QTRT1: variants seen among roughly 807,000 people sequenced by gnomAD.
QTRT1 encodes TGT, 43-KD subunit.
Under a neutral mutation model 44.0 loss-of-function variants are expected in QTRT1, and 41 were observed. That is an observed-to-expected ratio of 0.93 (90% CI 0.73 to 1.21). QTRT1 has a LOEUF of 1.21. Among genes scored for constraint, QTRT1 ranks in the 50% most tolerant of loss-of-function variants. The pLI is 0.00. For missense variants in QTRT1, 542 were observed against 575.8 expected (o/e 0.94, Z 0.60); for synonymous variants, 226 against 237.1 (o/e 0.95, Z 0.43).
chr19:10,713,176 T>A lies in QTRT1; in HGVS notation c.1118T>A (p.Val373Glu). The A allele has an allele frequency of 6.2e-7, 1 of 1,609,990 alleles. No individual in the cohort carries two copies. Among genetic ancestry groups the A allele is most frequent in the Non-Finnish European group, 8.5e-7 (1 of 1,178,286 alleles). Reference protein sequence around the residue: ...SIVEKRFPDFVRDFMGAMYGD... With the variant: ...SIVEKRFPDFERDFMGAMYGD... ...GTGGAGAAGCGCTTCCCGGACTTCGTGCGGGACTTCATGGGCGCCATGTAC... is the reference window on the plus strand; with the variant it reads ...GTGGAGAAGCGCTTCCCGGACTTCGAGCGGGACTTCATGGGCGCCATGTAC... Residue 373 changes from valine to glutamate, a missense_variant, in exon 10 of 10, where the codon GTG (valine) becomes GAG (glutamate). Physicochemically the swap from Val to Glu is moderately radical, Grantham distance 121. Transcript: ENST00000250237. The surrounding 1 kb of genome is among the most constrained non-coding windows in gnomAD (Gnocchi z 4.3).
rs1441919887 is a variant in QTRT1 at position 10,712,419 on chromosome 19, C to T, written c.785+120C>T. ...CGGACACAGGTCTGATCTGAGGAGACTAGGAAGACATGGCTGTCCCTTGGG... is the reference window on the plus strand; with the variant it reads ...CGGACACAGGTCTGATCTGAGGAGATTAGGAAGACATGGCTGTCCCTTGGG... On this transcript the variant is annotated intron_variant, in intron 6 of 9. Transcript: ENST00000250237. This position sits in a 1 kb window ranked among gnomAD's most constrained non-coding sequence, Gnocchi z 5.6. The T allele has an allele frequency of 2.7e-6, 4 of 1,455,098 alleles. No homozygotes were observed. In the African/African-American group the frequency reaches 4.2e-5, roughly 15 times the overall value. The allele number at this position is 1,455,098 out of a possible 1,614,324, so 90.1% of individuals were successfully genotyped here.
At chr19:10,708,045 A>C (rs2068722800) in intron 5 of QTRT1, among the ~76,000 whole-genome samples, 1 of 150,100 alleles carries the variant, frequency 6.7e-6, no homozygotes, top group Admixed American at 6.6e-5. Context: ...CCTCCCTGCA[A>C]CCTCCGCCTC....
chr19:10,709,223 CTT>C (rs555211363), intron 5 of QTRT1: 8 of 152,262 alleles, frequency 5.3e-5, no homozygotes, highest in Non-Finnish European at 8.8e-5. Context: ...TCAATTTCCT[CTT>C]GTTTCAGGCA....
intron 3 of QTRT1, among the ~76,000 whole-genome samples, chr19:10,704,667 A>G (rs1850956193): frequency 6.6e-6 from 1 of 151,592 alleles, no homozygotes; most frequent in East Asian, 1.9e-4. Flanking sequence ...GGCTCACAGC[A>G]ACCTCTGCCT....
Position 10,707,285 on chromosome 19 carries a change from C to G in QTRT1, c.452-17C>G. 1 of 1,613,552 alleles carries G rather than the reference C, an allele frequency of 6.2e-7. No individual in the cohort carries two copies. On this transcript the variant is annotated splice_polypyrimidine_tract_variant and intron_variant, in intron 3 of 9. Coordinates refer to ENST00000250237, the MANE Select transcript of QTRT1 (RefSeq NM_031209.3). Reference sequence around the variant, plus strand: ...TTGCGGGCTTTCCCAGTGATGTTGCCCCCATCTCACCATCAGGCTCGGACA... The same window carrying G: ...TTGCGGGCTTTCCCAGTGATGTTGCGCCCATCTCACCATCAGGCTCGGACA...
chr19:10,712,499 C>T lies in QTRT1; in HGVS notation c.786-54C>T, dbSNP rs534533772. On this transcript the variant is annotated intron_variant, in intron 6 of 9. Transcript: ENST00000250237. This position sits in a 1 kb window ranked among gnomAD's most constrained non-coding sequence, Gnocchi z 5.6. ...GGGGCAGTGTGAGGGTTGGGAGGGG[C>T]CCTGGGAAGCCCCTGAGGTTCTCTG... The T allele has an allele frequency of 2.0e-6, 3 of 1,529,602 alleles. No individual in the cohort carries two copies. The highest frequency in any genetic ancestry group is 4.5e-5 in the East Asian group (2 of 44,474). 94.8% of individuals were successfully genotyped at this position (1,529,602 alleles called of 1,614,324 possible).
At chr19:10,710,087 AG>A (rs1221678861) in intron 5 of QTRT1, among the ~76,000 whole-genome samples, 1 of 152,030 alleles carries the variant, frequency 6.6e-6, no homozygotes, top group Non-Finnish European at 1.5e-5. Flanking sequence ...TGGGAGGCTG[AG>A]GTGGGAGGAT....
At chr19:10,702,389 C>T (rs903558839) in intron 3 of QTRT1, 135 bp downstream of exon 3, 3 of 948,070 alleles carry the variant, frequency 3.2e-6, no homozygotes, top group Non-Finnish European at 3.1e-6. Flanking sequence ...CAACTCAAAG[C>T]GGGGGTAAAT....
chr19:10,701,496 G>C lies in QTRT1; in HGVS notation c.36G>C (p.Ser12=), dbSNP rs759948095. 1 of 1,579,572 alleles carries C rather than the reference G, an allele frequency of 6.3e-7. No homozygotes were observed. Among genetic ancestry groups the C allele is most frequent in the Non-Finnish European group, 8.6e-7 (1 of 1,159,124 alleles). ...CAGCTACCCAGGCTTCCCTGGAGTC[G>C]GCCCCACGGATCATGCGGCTGGTGG... ...AGAATQASLE[S]APRIMRLVAE... Residue 12 remains serine, a synonymous_variant, in exon 1 of 10, where the codon TCG becomes TCC. Transcript: ENST00000250237.
At chr19:10,702,622 A>G (rs1436125303) in intron 3 of QTRT1, among the ~76,000 whole-genome samples, 5 of 152,082 alleles carry the variant, frequency 3.3e-5, no homozygotes, top group Admixed American at 6.6e-5. Flanking sequence ...TGGGCAATAC[A>G]GGGAGACCCT....
Position 10,707,549 on chromosome 19 carries a change from A to G in QTRT1, c.580A>G (p.Lys194Glu), listed in dbSNP as rs188490696. Reference sequence around the variant, plus strand: ...CATTGCAGCCCATCAGCGGCCGGACAAGCAGAACCTCTTCGCCATTATCCA... The same window carrying G: ...CATTGCAGCCCATCAGCGGCCGGACGAGCAGAACCTCTTCGCCATTATCCA... ...RCIAAHQRPDKQNLFAIIQGG... is the reference protein window; with the variant it reads ...RCIAAHQRPDEQNLFAIIQGG... The change falls in exon 5 of 10, where the codon AAG becomes GAG. Residue 194 changes from lysine (K) to glutamate (E), a missense_variant. Lys to Glu is a moderately conservative substitution (Grantham distance 56, BLOSUM62 1). Transcript: ENST00000250237. 189 of 1,613,162 alleles carry G rather than the reference A, an allele frequency of 1.2e-4. 2 individuals are homozygous for G. The East Asian group carries it at 4.0e-3, about 34-fold the overall frequency.
At chr19:10,709,809 A>G (rs1260969560) in intron 5 of QTRT1, among the ~76,000 whole-genome samples, 1 of 151,978 alleles carries the variant, frequency 6.6e-6, no homozygotes, top group Non-Finnish European at 1.5e-5. Flanking sequence ...AGATTGTGCC[A>G]CTGCACTCCA....
rs2068748908 is a variant in QTRT1, at chr19:10,713,330, G to C, written c.*60G>C. ...AGGGAGGGGCTGGAAGATACTGAAG[G>C]ATTCCTTTTTGAAAGGTTTTTTTTA... On this transcript the variant is annotated 3_prime_UTR_variant, in exon 10 of 10. Coordinates refer to ENST00000250237, the MANE Select transcript of QTRT1 (RefSeq NM_031209.3). The surrounding 1 kb of genome is among the most constrained non-coding windows in gnomAD (Gnocchi z 4.3). The C allele has an allele frequency of 6.4e-7, 1 of 1,570,706 alleles. No homozygotes were observed. Among genetic ancestry groups the C allele is most frequent in the African/African-American group, 1.3e-5 (1 of 74,244 alleles).
Position 10,707,577 on chromosome 19 carries a change from G to A in QTRT1, c.608G>A (p.Gly203Asp), listed in dbSNP as rs775271217. The change falls in exon 5 of 10, where the codon GGT (glycine) becomes GAT (aspartate). Residue 203 changes from glycine to aspartate, a missense_variant. Gly to Asp is a moderately conservative substitution (Grantham distance 94). Coordinates refer to ENST00000250237, the MANE Select transcript of QTRT1 (RefSeq NM_031209.3). ...CAGAACCTCTTCGCCATTATCCAGG[G>A]TGGGCTGGACGCAGATCTCCGGGCC... ...DKQNLFAIIQ[G>D]GLDADLRATC... 1 of 1,611,556 alleles carries A rather than the reference G, an allele frequency of 6.2e-7. No individual in the cohort carries two copies. Among genetic ancestry groups the A allele is most frequent in the Non-Finnish European group, 8.5e-7 (1 of 1,178,938 alleles).
Position 10,713,081 on chromosome 19 carries a change from G to A in QTRT1, c.1060-37G>A. ...GGGCAAGGTGGGCGGGGGTGTCCTAGGTGCGTATGCCCCACGCTGACCTCC... is the reference window on the plus strand; with the variant it reads ...GGGCAAGGTGGGCGGGGGTGTCCTAAGTGCGTATGCCCCACGCTGACCTCC... On this transcript the variant is annotated intron_variant, in intron 9 of 9. Coordinates refer to ENST00000250237, the MANE Select transcript of QTRT1 (RefSeq NM_031209.3). This position sits in a 1 kb window ranked among gnomAD's most constrained non-coding sequence, Gnocchi z 4.3. 1 of 1,608,920 alleles carries A rather than the reference G, an allele frequency of 6.2e-7. No individual in the cohort carries two copies.
At chr19:10,701,742 G>A in intron 1 of QTRT1, 39 bp downstream of exon 1, 1 of 1,557,890 alleles carries the variant, frequency 6.4e-7, no homozygotes, top group South Asian at 1.2e-5. Context: ...CGGCGAGGCG[G>A]CGAGGCGTGG....
At chr19:10,704,379 C>G (rs577285506) in intron 3 of QTRT1, among the ~76,000 whole-genome samples, 1 of 143,652 alleles carries the variant, frequency 7.0e-6, no homozygotes, top group Non-Finnish European at 1.5e-5. Context: ...CTGCAAGCTC[C>G]GCCTCCTGGG....
chr19:10,702,593 C>A (rs539814956), intron 3 of QTRT1, among the ~76,000 whole-genome samples: 3 of 151,554 alleles, frequency 2.0e-5, no homozygotes, highest in Non-Finnish European at 4.4e-5. Flanking sequence ...CACTTGAGGC[C>A]GGGAGTTGGA....
Position 10,701,451 on chromosome 19 carries a change from G to C in QTRT1, c.-10G>C, listed in dbSNP as rs760866345. On this transcript the variant is annotated 5_prime_UTR_variant, in exon 1 of 10. Coordinates refer to ENST00000250237, the MANE Select transcript of QTRT1 (RefSeq NM_031209.3). ...TGTGTGGTACGGCCCACGTGGTTCC[G>C]ACAGTCAAGATGGCGGGAGCAGCTA... is the stretch of plus-strand genomic sequence containing the variant. 6.5e-7 allele frequency: 1 copy of C among 1,537,520 alleles called. No homozygotes were observed. The highest frequency in any genetic ancestry group is 8.8e-7 in the Non-Finnish European group (1 of 1,141,110).
Sources: allele counts gnomAD v4.1 joint callset (sites outside exome capture counted in the v4.1 genomes callset), GRCh38; gene constraint gnomAD v4.1.1; non-coding constraint Gnocchi (gnomAD v3.1); transcripts MANE v1.5; gene names NCBI Gene and HGNC (gene_info 2026-07-23, HGNC 2026-07-21).